The following CAMK2G variants were observed in gnomAD, a reference collection of about 807,000 sequenced individuals.
CAMK2G encodes calcium/calmodulin-dependent protein kinase type II subunit gamma.
CAMK2G carries 23 observed loss-of-function variants against 88.7 expected under a neutral mutation model. The ratio of observed to expected loss-of-function variants is 0.26; its 90% CI spans 0.19 to 0.37. CAMK2G has a LOEUF of 0.37. CAMK2G is among the 10% of genes least tolerant of loss of function. The probability of loss-of-function intolerance (pLI) is 1.00; values close to 1 mark genes in which losing one functional copy is unlikely to be tolerated. For missense variants in CAMK2G, 476 were observed against 780.8 expected (o/e 0.61, Z 4.65); for synonymous variants, 263 against 294.8 (o/e 0.89, Z 1.11).
chr10:73,826,162 G>A (rs1297496421), intron 15 of CAMK2G, among the ~76,000 whole-genome samples: 6 of 152,218 alleles, frequency 3.9e-5, no homozygotes, highest in Admixed American at 3.9e-4. Flanking sequence ...GGTGGGCACG[G>A]TGGCTCACAC....
In CAMK2G at chr10:73,847,051, G is replaced by A. The variant is rs996423744; in HGVS notation, c.819+174C>T. On this transcript the variant is annotated intron_variant, in intron 10 of 22. Coordinates refer to ENST00000423381, the MANE Select transcript of CAMK2G (RefSeq NM_001367534.1). Reference sequence around the variant, plus strand: ...GGCCCACCAGCCCCATCAGCCTCCCGAGTCTCCCTGGTGACATTTATTGAC... The same window carrying A: ...GGCCCACCAGCCCCATCAGCCTCCCAAGTCTCCCTGGTGACATTTATTGAC... 3.3e-5 allele frequency: 20 copies of A among 611,724 alleles called. No homozygotes were observed. In the African/African-American group the frequency reaches 3.3e-4, roughly 10 times the overall value. The allele number at this position is 611,724 out of a possible 1,614,324, so 37.9% of individuals were successfully genotyped here.
chr10:73,842,316 C>T lies in CAMK2G; in HGVS notation c.904-105G>A. The T allele has an allele frequency of 8.6e-7, 1 of 1,157,020 alleles. No homozygotes were observed. The highest frequency in any genetic ancestry group is 1.3e-6 in the Non-Finnish European group (1 of 764,596). 71.7% of individuals were successfully genotyped at this position (1,157,020 alleles called of 1,614,324 possible). A position where few individuals can be genotyped will look rare whatever the true frequency, so the allele number is the denominator to read the frequency against. On this transcript the variant is annotated intron_variant, in intron 11 of 22. Coordinates refer to ENST00000423381, the MANE Select transcript of CAMK2G (RefSeq NM_001367534.1). The surrounding 1 kb of genome is among the most constrained non-coding windows in gnomAD (Gnocchi z 4.6). ...GCTAGAGCCTGAAGACATCAGGCCT[C>T]TGGGCCCCCTCCCCTGTGACATGTA...
rs1417496496 is a variant in CAMK2G, at chr10:73,849,276, G to A, written c.399C>T (p.Val133=). 3.7e-6 allele frequency: 6 copies of A among 1,613,494 alleles called. No homozygotes were observed. In the African/African-American group the frequency reaches 6.7e-5, roughly 18 times the overall value. ...SVNHIHQHDI[V]HRDLKPENLL... ...TGGGTAGTACCTTCAGGTCCCTGTG[G>A]ACGATGTCATGCTGGTGGATGTGGT... The change falls in exon 6 of 23, where the codon GTC becomes GTT. Residue 133 remains valine, a synonymous_variant. Transcript: ENST00000423381.
chr10:73,841,906 C>G (rs1212594082), intron 12 of CAMK2G: 1 of 485,598 alleles, frequency 2.1e-6, no homozygotes, highest in African/African-American at 2.0e-5. Context: ...AATAAGAATC[C>G]AGAGAAACAA....
chr10:73,821,109 C>A lies in CAMK2G; in HGVS notation c.1249+573G>T, dbSNP rs573386375. 2.6e-5 allele frequency among the ~76,000 whole-genome samples: 4 copies of A among 152,178 alleles called. No homozygotes were observed. The East Asian group carries it at 7.7e-4, about 29-fold the overall frequency. Reference sequence around the variant, plus strand: ...ACAGGTGTGAGTCACCGCACCTGGCCTATTTATTTGTTCCTAATTTTTTTT... The same window carrying A: ...ACAGGTGTGAGTCACCGCACCTGGCATATTTATTTGTTCCTAATTTTTTTT... On this transcript the variant is annotated intron_variant, in intron 18 of 22. Coordinates refer to ENST00000423381, the MANE Select transcript of CAMK2G (RefSeq NM_001367534.1).
intron 19 of CAMK2G, 119 bp from the exon 20 acceptor site, chr10:73,817,673 T>C: frequency 1.4e-6 from 1 of 716,374 alleles, no homozygotes; most frequent in South Asian, 1.5e-5. Flanking sequence ...CCCTCTTCTC[T>C]GTCTCTAGGG....
chr10:73,852,237 T>G lies in CAMK2G; in HGVS notation c.341+17A>C. On this transcript the variant is annotated intron_variant, in intron 5 of 22. Coordinates refer to ENST00000423381, the MANE Select transcript of CAMK2G (RefSeq NM_001367534.1). Reference sequence around the variant, plus strand: ...AAACTCCAGAGCTACATTTGAACTCTCGGGCCCTCATCCTACCTGGCATCT... The same window carrying G: ...AAACTCCAGAGCTACATTTGAACTCGCGGGCCCTCATCCTACCTGGCATCT... 1.2e-6 allele frequency: 2 copies of G among 1,607,860 alleles called. No homozygotes were observed. Among genetic ancestry groups the G allele is most frequent in the Non-Finnish European group, 1.7e-6 (2 of 1,174,294 alleles).
chr10:73,864,004 T>C (rs575099191), intron 2 of CAMK2G, among the ~76,000 whole-genome samples: 3 of 152,322 alleles, frequency 2.0e-5, no homozygotes, highest in East Asian at 3.9e-4. Flanking sequence ...CACTGCCACA[T>C]CCAGCAAGCT....
intron 14 of CAMK2G, among the ~76,000 whole-genome samples, chr10:73,833,723 C>T (rs537807044): frequency 1.3e-5 from 2 of 151,514 alleles, no homozygotes; most frequent in Non-Finnish European, 2.9e-5. Flanking sequence ...CTCAGCCTCC[C>T]GAGTAGCTGG....
At chr10:73,820,815 G>C (rs1275438502) in intron 18 of CAMK2G, among the ~76,000 whole-genome samples, 2 of 151,740 alleles carry the variant, frequency 1.3e-5, no homozygotes. Context: ...TACGATTACA[G>C]GCACCTGCCA....
intron 3 of CAMK2G, among the ~76,000 whole-genome samples, chr10:73,856,206 C>G (rs539587098): frequency 2.6e-4 from 39 of 152,340 alleles, no homozygotes; most frequent in African/African-American, 7.0e-4. Flanking sequence ...TAGCTACTTA[C>G]ATATAAATAA....
intron 18 of CAMK2G, among the ~76,000 whole-genome samples, chr10:73,820,943 G>A (rs1272704470): frequency 3.3e-5 from 5 of 151,926 alleles, no homozygotes; most frequent in Non-Finnish European, 7.4e-5. Flanking sequence ...CCAAAGTGTT[G>A]GGATTACAGG....
chr10:73,825,355 A>T lies in CAMK2G; in HGVS notation c.1087-8T>A. 1.2e-6 allele frequency: 2 copies of T among 1,612,022 alleles called. No homozygotes were observed. Among genetic ancestry groups the T allele is most frequent in the Non-Finnish European group, 1.7e-6 (2 of 1,178,066 alleles). On this transcript the variant is annotated splice_region_variant and splice_polypyrimidine_tract_variant and intron_variant, in intron 15 of 22. Transcript: ENST00000423381. ...TTTGTTGTTGCTCTGTGGCTGAGAC[A>T]AGAAAACAGATGGTTTAGTTCCTCC... is the stretch of plus-strand genomic sequence containing the variant.
At chr10:73,850,988 C>T (rs1464347156) in intron 5 of CAMK2G, among the ~76,000 whole-genome samples, 1 of 152,206 alleles carries the variant, frequency 6.6e-6, no homozygotes, top group African/African-American at 2.4e-5. Context: ...CCCCTCAGGG[C>T]CCCCTCCCTA....
At chr10:73,872,861 A>G in intron 2 of CAMK2G, 128 bp downstream of exon 2, 1 of 743,082 alleles carries the variant, frequency 1.3e-6, no homozygotes, top group Non-Finnish European at 2.5e-6. Flanking sequence ...ACAAAGTCCA[A>G]CCAGTCTGAA....
Position 73,839,025 on chromosome 10 carries a change from G to A in CAMK2G, c.1009+514C>T, listed in dbSNP as rs575634483. 1.3e-5 allele frequency among the ~76,000 whole-genome samples: 2 copies of A among 152,284 alleles called. No individual in the cohort carries two copies. The highest frequency in any genetic ancestry group is 4.8e-5 in the African/African-American group (2 of 41,550). On this transcript the variant is annotated intron_variant, in intron 13 of 22. Transcript: ENST00000423381. This position sits in a 1 kb window ranked among gnomAD's most constrained non-coding sequence, Gnocchi z 4.2. Reference sequence around the variant, plus strand: ...AAGGCTGGGAGAGCTGGTGTGACTCGCTCAGGGTGTGGCAGGGCTAGGATG... The same window carrying A: ...AAGGCTGGGAGAGCTGGTGTGACTCACTCAGGGTGTGGCAGGGCTAGGATG...
At chr10:73,849,401 A>C in intron 5 of CAMK2G, 68 bp from the exon 6 acceptor site, 1 of 1,134,942 alleles carries the variant, frequency 8.8e-7, no homozygotes, top group Non-Finnish European at 1.3e-6. Context: ...CCACAACCAC[A>C]TGCTGCAGAC....
intron 19 of CAMK2G, chr10:73,818,922 T>C (rs1163424116): frequency 2.3e-6 from 1 of 430,674 alleles, no homozygotes; most frequent in Non-Finnish European, 4.8e-6. Context: ...GAGCTACTGA[T>C]AACCCATCGA....
At chr10:73,859,323 G>C (rs975338497) in intron 3 of CAMK2G, among the ~76,000 whole-genome samples, 1 of 152,228 alleles carries the variant, frequency 6.6e-6, no homozygotes, top group Admixed American at 6.5e-5. Flanking sequence ...ATGCAAGGTG[G>C]GGGCTCAGCA....
Sources: allele counts gnomAD v4.1 joint callset (sites outside exome capture counted in the v4.1 genomes callset), GRCh38; gene constraint gnomAD v4.1.1; non-coding constraint Gnocchi (gnomAD v3.1); transcripts MANE v1.5; gene names NCBI Gene and HGNC (gene_info 2026-07-23, HGNC 2026-07-21).